Variants in DACH1 observed in about 807,000 individuals in gnomAD.
The protein encoded by DACH1 is dachshund family transcription factor 1.
A neutral mutation model predicts 54.2 loss-of-function variants in DACH1; 12 were observed. That is an observed-to-expected ratio of 0.22 (90% CI 0.14 to 0.36). The LOEUF (loss-of-function observed/expected upper bound fraction) is 0.36. Ranked by LOEUF, DACH1 falls within the 10% of genes least tolerant of loss-of-function variation. The probability of loss-of-function intolerance (pLI) is 1.00; values close to 1 mark genes in which losing one functional copy is unlikely to be tolerated. For synonymous variants in DACH1, 386 were observed against 366.2 expected (o/e 1.05, Z -0.62); for missense variants, 805 against 929.8 (o/e 0.87, Z 1.75).
rs577144777 is a variant in DACH1, at chr13:71,556,747, T to A, written c.1570+277A>T. Among the ~76,000 whole-genome samples the A allele has an allele frequency of 8.5e-5, 13 of 152,198 alleles. No homozygotes were observed. In the South Asian group the frequency reaches 2.5e-3, roughly 29 times the overall value. On this transcript the variant is annotated intron_variant, in intron 6 of 10. Transcript: ENST00000613252. ...TTGAAAAAGTCAAATAGCAGACCCTTTAGGAACTGAGAGATAACAATTGGG... is the reference window on the plus strand; with the variant it reads ...TTGAAAAAGTCAAATAGCAGACCCTATAGGAACTGAGAGATAACAATTGGG...
intron 10 of DACH1, among the ~76,000 whole-genome samples, chr13:71,447,687 G>A (rs201600091): frequency 2.6e-5 from 4 of 151,772 alleles, no homozygotes; most frequent in African/African-American, 9.7e-5. Flanking sequence ...AAAAAAATTA[G>A]CTGGATGTGG....
At chr13:71,533,985 G>A (rs1026881958) in intron 6 of DACH1, among the ~76,000 whole-genome samples, 1 of 151,910 alleles carries the variant, frequency 6.6e-6, no homozygotes, top group African/African-American at 2.4e-5. Flanking sequence ...TCTCTGGGTC[G>A]GCTAAATAAG....
intron 2 of DACH1, among the ~76,000 whole-genome samples, chr13:71,643,333 C>T (rs1389260191): frequency 6.6e-6 from 1 of 152,120 alleles, no homozygotes; most frequent in African/African-American, 2.4e-5. Context: ...ATACTCTTAC[C>T]ATACATCTTT....
In DACH1 at chr13:71,578,612, T is replaced by C. The variant is rs1358547871; in HGVS notation, c.1127-5600A>G. ...AACTATTTAATCCCAGTTGATCTAC[T>C]TTAGGATATAAAAACACTGAAATCT... is the stretch of plus-strand genomic sequence containing the variant. On this transcript the variant is annotated intron_variant, in intron 3 of 10. Transcript: ENST00000613252. Among the ~76,000 whole-genome samples, 3 of 152,170 alleles carry C rather than the reference T, an allele frequency of 2.0e-5. 1 individual carries two copies. In the East Asian group the frequency reaches 5.8e-4, roughly 29 times the overall value.
intron 6 of DACH1, among the ~76,000 whole-genome samples, chr13:71,551,730 T>C (rs1043432787): frequency 6.6e-6 from 1 of 152,164 alleles, no homozygotes; most frequent in Non-Finnish European, 1.5e-5. Flanking sequence ...TACATAATGA[T>C]TTTCTTTCAA....
chr13:71,714,404 T>C (rs921555901), intron 1 of DACH1, among the ~76,000 whole-genome samples: 10 of 152,078 alleles, frequency 6.6e-5, no homozygotes, highest in Admixed American at 2.0e-4. Flanking sequence ...AATAATATTT[T>C]TCCAGAATTA....
At chr13:71,584,592 G>T (rs377195152) in intron 3 of DACH1, among the ~76,000 whole-genome samples, 10 of 151,968 alleles carry the variant, frequency 6.6e-5, no homozygotes, top group African/African-American at 2.2e-4. Flanking sequence ...CTTAATTTTT[G>T]AACTGTGTCA....
In DACH1 at chr13:71,630,356, A is replaced by G. The variant is rs549147659; in HGVS notation, c.1126+200T>C. Among the ~76,000 whole-genome samples the G allele has an allele frequency of 4.0e-3, 615 of 152,290 alleles. 4 individuals are homozygous for G. Among genetic ancestry groups the G allele is most frequent in the Non-Finnish European group, 6.9e-3 (466 of 68,018 alleles). On this transcript the variant is annotated intron_variant, in intron 3 of 10. Coordinates refer to ENST00000613252, the MANE Select transcript of DACH1 (RefSeq NM_080759.6). ...AAAGTTGATCCTATAATTAAAAATAATGTTGCTAATTATTCCTTTAGAATG... is the reference window on the plus strand; with the variant it reads ...AAAGTTGATCCTATAATTAAAAATAGTGTTGCTAATTATTCCTTTAGAATG...
At chr13:71,592,510 A>G (rs1185684130) in intron 3 of DACH1, among the ~76,000 whole-genome samples, 9 of 149,846 alleles carry the variant, frequency 6.0e-5, no homozygotes, top group Non-Finnish European at 1.0e-4. Context: ...AAAAAAAAAA[A>G]AAAAAAAGAA....
intron 3 of DACH1, among the ~76,000 whole-genome samples, chr13:71,589,612 C>T (rs1873545662): frequency 6.6e-6 from 1 of 151,894 alleles, no homozygotes; most frequent in Non-Finnish European, 1.5e-5. Context: ...GGTTACACAA[C>T]TCCTTAATTC....
intron 3 of DACH1, among the ~76,000 whole-genome samples, chr13:71,618,637 T>A (rs982125255): frequency 6.6e-6 from 1 of 151,888 alleles, no homozygotes; most frequent in African/African-American, 2.4e-5. Flanking sequence ...GGTTTTTTTT[T>A]AAGAAAAATA....
intron 1 of DACH1, among the ~76,000 whole-genome samples, chr13:71,721,233 C>A (rs1392065846): frequency 6.6e-6 from 1 of 152,112 alleles, no homozygotes; most frequent in Admixed American, 6.6e-5. Context: ...TTTCTCCCAA[C>A]TAGGATGACA....
intron 1 of DACH1, among the ~76,000 whole-genome samples, chr13:71,861,265 CAAAAT>C (rs1457544901): frequency 1.3e-5 from 2 of 151,810 alleles, no homozygotes; most frequent in Non-Finnish European, 2.9e-5. Context: ...TGAAGCTTCA[CAAAAT>C]AAAATATCAT....
intron 1 of DACH1, among the ~76,000 whole-genome samples, chr13:71,707,469 A>G (rs1198056405): frequency 2.0e-5 from 3 of 152,180 alleles, no homozygotes. Context: ...AGTAGCCCTG[A>G]GCCTCCCTGA....
At chr13:71,542,347 A>C (rs1205377875) in intron 6 of DACH1, among the ~76,000 whole-genome samples, 2 of 152,124 alleles carry the variant, frequency 1.3e-5, no homozygotes, top group Non-Finnish European at 2.9e-5. Flanking sequence ...TAAAAAGTAC[A>C]TTGTGGTTCA....
At chr13:71,652,012 C>T (rs1878725182) in intron 2 of DACH1, among the ~76,000 whole-genome samples, 1 of 152,106 alleles carries the variant, frequency 6.6e-6, no homozygotes, top group African/African-American at 2.4e-5. Context: ...ATGAGTGTTT[C>T]TCTGAATTCC....
At chr13:71,769,310 G>A (rs1362816883) in intron 1 of DACH1, among the ~76,000 whole-genome samples, 2 of 151,412 alleles carry the variant, frequency 1.3e-5, no homozygotes, top group Non-Finnish European at 3.0e-5. Context: ...AATCTTCTAG[G>A]TTTATTCTAA....
chr13:71,623,622 A>G (rs540369322), intron 3 of DACH1, among the ~76,000 whole-genome samples: 2 of 151,974 alleles, frequency 1.3e-5, no homozygotes, highest in African/African-American at 4.8e-5. Context: ...TTTAAAAATT[A>G]CTGTCAAAAA....
At chr13:71,581,690 G>A (rs1172467713) in intron 3 of DACH1, among the ~76,000 whole-genome samples, 1 of 151,932 alleles carries the variant, frequency 6.6e-6, no homozygotes, top group African/African-American at 2.4e-5. Flanking sequence ...AAATATGAAA[G>A]ATGAATTCAG....
Sources: allele counts gnomAD v4.1 joint callset (sites outside exome capture counted in the v4.1 genomes callset), GRCh38; gene constraint gnomAD v4.1.1; transcripts MANE v1.5; gene names NCBI Gene and HGNC (gene_info 2026-07-23, HGNC 2026-07-21).